DCAF8L2: variants seen among roughly 807,000 people sequenced by gnomAD.
The protein encoded by DCAF8L2 is DDB1- and CUL4-associated factor 8-like protein 2.
For synonymous variants in DCAF8L2, 200 were observed against 190.9 expected (o/e 1.05, Z -0.39); for missense variants, 430 against 490.7 (o/e 0.88, Z 1.17).
chrX:27,654,570 A>G (rs2147204460), intron 2 of DCAF8L2, among the ~76,000 whole-genome samples: 1 of 112,206 alleles, frequency 8.9e-6, no homozygotes, highest in Non-Finnish European at 1.9e-5. Flanking sequence ...CTAGAAGGTT[A>G]TTTCTTCGTG....
rs1485992847 is a variant in DCAF8L2 at position 27,720,722 on chromosome X, T to G, written c.-59+4551T>G. On this transcript the variant is annotated intron_variant, in intron 4 of 4. Coordinates refer to ENST00000451261, the MANE Select transcript of DCAF8L2 (RefSeq NM_001353450.2). ...ATTATAATCAACCTATCAATTTGAC[T>G]AAGACTCCATTAAATCTATAGATCA... Among the ~76,000 whole-genome samples, 5 of 111,891 alleles carry G rather than the reference T, an allele frequency of 4.5e-5. No homozygotes were observed. The East Asian group carries it at 1.4e-3, about 31-fold the overall frequency.
At chrX:27,733,633 G>A (rs1233977160) in intron 4 of DCAF8L2, among the ~76,000 whole-genome samples, 10 of 111,520 alleles carry the variant, frequency 9.0e-5, no homozygotes. Flanking sequence ...TTTCCCCCAT[G>A]TATTTTTTTC....
At chrX:27,564,723 C>A in the DCAF8L2 span, among the ~76,000 whole-genome samples, 1 of 53,566 alleles carries the variant, frequency 1.9e-5, no homozygotes, top group Non-Finnish European at 4.2e-5. Flanking sequence ...TGGAACAAAC[C>A]TTTTGTCAAT....
chrX:27,673,277 G>A (rs936266741), intron 2 of DCAF8L2, among the ~76,000 whole-genome samples: 7 of 109,862 alleles, frequency 6.4e-5, no homozygotes, highest in Non-Finnish European at 1.1e-4. Context: ...GGAAGCTGAG[G>A]CAGGCAGATC....
chrX:27,476,430 GAC>G, the DCAF8L2 span, among the ~76,000 whole-genome samples: 35 of 111,540 alleles, frequency 3.1e-4, no homozygotes, highest in Admixed American at 2.1e-3. Flanking sequence ...AGGGCAAGTA[GAC>G]ACACAAAACA....
At chrX:27,639,438 T>C (rs1261356835) in intron 2 of DCAF8L2, among the ~76,000 whole-genome samples, 1 of 111,697 alleles carries the variant, frequency 9.0e-6, no homozygotes, top group Non-Finnish European at 1.9e-5. Context: ...ATGGGTGTAA[T>C]TGGATTGTTT....
intron 1 of DCAF8L2, among the ~76,000 whole-genome samples, chrX:27,598,861 A>G (rs1002333197): frequency 7.3e-5 from 8 of 109,769 alleles, no homozygotes; most frequent in Non-Finnish European, 5.7e-5. Flanking sequence ...AAAATGAAAG[A>G]TAAGTGTTGG....
At chrX:27,606,263 T>C (rs1169138744) in intron 1 of DCAF8L2, among the ~76,000 whole-genome samples, 1 of 92,603 alleles carries the variant, frequency 1.1e-5, no homozygotes, top group Non-Finnish European at 2.1e-5. Flanking sequence ...TATATATATA[T>C]ATATAGGAAT....
At chrX:27,590,067 G>A (rs1241125146), upstream of DCAF8L2, among the ~76,000 whole-genome samples, 1 of 111,513 alleles carries the variant, frequency 9.0e-6, no homozygotes, top group Non-Finnish European at 1.9e-5. Flanking sequence ...AAAGCAACTG[G>A]TAGAAGACAA....
the DCAF8L2 span, among the ~76,000 whole-genome samples, chrX:27,541,432 C>T: frequency 0.081 from 8,578 of 106,468 alleles, 347 homozygotes; most frequent in Middle Eastern, 0.13. Context: ...TGCAATGGCG[C>T]GATCTCAGCT....
Position 27,748,832 on chromosome X carries a change from C to G in DCAF8L2, c.*41C>G, listed in dbSNP as rs1331887602. 8.8e-7 allele frequency: 1 copy of G among 1,135,026 alleles called. No individual in the cohort carries two copies. 93.5% of individuals were successfully genotyped at this position (1,135,026 alleles called of 1,213,427 possible). Reference sequence around the variant, plus strand: ...TCCAGCTACATGCCACCTAAGTACACTGGACTTTAAAATTCAGTTTGACTA... The same window carrying G: ...TCCAGCTACATGCCACCTAAGTACAGTGGACTTTAAAATTCAGTTTGACTA... On this transcript the variant is annotated 3_prime_UTR_variant, in exon 5 of 5. Transcript: ENST00000451261.
At chrX:27,684,353 C>G (rs992212990) in intron 3 of DCAF8L2, among the ~76,000 whole-genome samples, 1 of 111,889 alleles carries the variant, frequency 8.9e-6, no homozygotes, top group Non-Finnish European at 1.9e-5. Flanking sequence ...TAGGTCCTAT[C>G]CCAGCATCTA....
chrX:27,677,130 T>A lies in DCAF8L2; in HGVS notation c.-219-706T>A, dbSNP rs1351701199. ...CGCTAAATATGCCAGATGTTGGAGATAACAAGGTGAATAAATCAATGGCTT... is the reference window on the plus strand; with the variant it reads ...CGCTAAATATGCCAGATGTTGGAGAAAACAAGGTGAATAAATCAATGGCTT... On this transcript the variant is annotated intron_variant, in intron 2 of 4. Transcript: ENST00000451261. The A allele has an allele frequency of 2.7e-5, 3 of 111,591 alleles. No homozygotes were observed. In the Admixed American group the frequency reaches 2.9e-4, roughly 11 times the overall value. 9.2% of individuals were successfully genotyped at this position (111,591 alleles called of 1,213,427 possible).
chrX:27,485,924 CTTT>C, the DCAF8L2 span, among the ~76,000 whole-genome samples: 6 of 58,839 alleles, frequency 1.0e-4, no homozygotes, highest in Admixed American at 5.0e-4. Context: ...TTCTTTTTCT[CTTT>C]TTTTTTTTTT....
chrX:27,567,546 CATATATATATATATATATATATATAT>C, the DCAF8L2 span, among the ~76,000 whole-genome samples: 91 of 29,625 alleles, frequency 3.1e-3, 1 homozygote, highest in African/African-American at 9.9e-3. Flanking sequence ...ACCACTGTAG[CATATATATATATATATATATATATAT>C]ATATATATAT....
chrX:27,551,871 T>C, the DCAF8L2 span, among the ~76,000 whole-genome samples: 2 of 112,137 alleles, frequency 1.8e-5, no homozygotes, highest in African/African-American at 6.5e-5. Flanking sequence ...TGTTGGATCA[T>C]ATGGTAGTCG....
intron 2 of DCAF8L2, among the ~76,000 whole-genome samples, chrX:27,659,001 A>G (rs1275489529): frequency 1.8e-5 from 2 of 111,832 alleles, no homozygotes; most frequent in African/African-American, 6.5e-5. Flanking sequence ...CTGAACTTCC[A>G]ACTCCTTTCC....
chrX:27,688,574 T>G (rs1224509485), intron 3 of DCAF8L2, among the ~76,000 whole-genome samples: 1 of 104,819 alleles, frequency 9.5e-6, no homozygotes, highest in Non-Finnish European at 1.9e-5. Context: ...ATTCAAAAAA[T>G]AGTAGCTTTT....
chrX:27,519,666 A>G, the DCAF8L2 span: 10 of 606,585 alleles, frequency 1.6e-5, no homozygotes, highest in Admixed American at 2.2e-4. Flanking sequence ...TGAACCATAG[A>G]AGCGAGGAAG....
Sources: gnomAD v4.1 joint callset for allele counts (sites outside exome capture counted in the v4.1 genomes callset) on GRCh38, gnomAD v4.1.1 for gene constraint, MANE v1.5 for transcripts, NCBI Gene and HGNC (gene_info 2026-07-23, HGNC 2026-07-21) for gene names.